Variants in STAT6 observed in about 807,000 individuals in gnomAD.
The protein encoded by STAT6 is signal transducer and activator of transcription 6, also known as STAT, interleukin4-induced.
Under a neutral mutation model 106.3 loss-of-function variants are expected in STAT6, and 45 were observed. The observed-to-expected ratio is 0.42, with a 90% CI of 0.33 to 0.54. STAT6 has a LOEUF of 0.54. Among genes scored for constraint, STAT6 ranks in the 20% least tolerant of loss-of-function variants. STAT6 has a pLI of 0.06. For missense variants in STAT6, 797 were observed against 1,062.2 expected, an observed-to-expected ratio of 0.75 and a Z score of 3.47; for synonymous variants, 413 against 413.6, an observed-to-expected ratio of 1.00 and a Z score of 0.02.
At chr12:57,110,434 G>A (rs1299068118) in intron 1 of STAT6, 1 of 152,214 alleles carries the variant, frequency 6.6e-6, no homozygotes, top group Non-Finnish European at 1.5e-5. Flanking sequence ...CCGCCCGCTT[G>A]GTGGCCTAAA....
rs553439182 is a variant in STAT6, at chr12:57,100,471, C to A, written c.1513-381G>T. 2.0e-5 allele frequency among the ~76,000 whole-genome samples: 3 copies of A among 152,170 alleles called. No individual in the cohort carries two copies. In the East Asian group the frequency reaches 5.8e-4, roughly 29 times the overall value. On this transcript the variant is annotated intron_variant, in intron 13 of 21. Transcript: ENST00000300134. ...CCCCTCTTAACTACTATGCTACACC[C>A]TCTCCCTAAGGAGGTGTGGCAGAGG...
At chr12:57,100,686 AAGAAAGAAAGAAAG>A (rs1206212545) in intron 13 of STAT6, among the ~76,000 whole-genome samples, 22 of 56,056 alleles carry the variant, frequency 3.9e-4, no homozygotes, top group African/African-American at 1.1e-3. Context: ...GAAAGAAAGA[AAGAAAGAAAGAAAG>A]AGAAAGAAAG....
chr12:57,108,702 T>G (rs1383055663), intron 1 of STAT6, among the ~76,000 whole-genome samples: 1 of 152,240 alleles, frequency 6.6e-6, no homozygotes, highest in Non-Finnish European at 1.5e-5. Flanking sequence ...TTTCCAAACT[T>G]TTTAAAGCGG....
chr12:57,105,267 G>T lies in STAT6; in HGVS notation c.885C>A (p.Phe295Leu). The stretch of plus-strand genomic sequence containing the variant: ...CCCCCAGGAACCTCAAGCCCAACAG[G>T]AATCGAACTCCAGCCTGGAACTTGG... ...TQTKFQAGVRFLLGLRFLGAP... is the reference protein window; with the variant it reads ...TQTKFQAGVRLLLGLRFLGAP... The change falls in exon 9 of 22, where the codon TTC becomes TTA. Residue 295 changes from phenylalanine (F) to leucine (L), a missense_variant. Transcript: ENST00000300134. 1 of 1,614,128 alleles carries T rather than the reference G, an allele frequency of 6.2e-7. No homozygotes were observed. The highest frequency in any genetic ancestry group is 8.5e-7 in the Non-Finnish European group (1 of 1,180,018).
intron 3 of STAT6, 66 bp from the exon 4 acceptor site, chr12:57,107,380 C>T: frequency 1.3e-6 from 2 of 1,487,582 alleles, no homozygotes; most frequent in Non-Finnish European, 1.9e-6. Flanking sequence ...CCCTCCAATC[C>T]CCAGGCCTGC....
chr12:57,102,504 G>GA lies in STAT6; in HGVS notation c.1306-9dup. The GA allele has an allele frequency of 6.2e-7, 1 of 1,612,706 alleles. No homozygotes were observed. The highest frequency in any genetic ancestry group is 8.5e-7 in the Non-Finnish European group (1 of 1,179,834). On this transcript the variant is annotated splice_polypyrimidine_tract_variant and intron_variant, in intron 12 of 21. Coordinates refer to ENST00000300134, the MANE Select transcript of STAT6 (RefSeq NM_003153.5). Reference sequence around the variant, plus strand: ...CACAAAGGGCACGCGGTCCTGGGGAGAAGGGGGAAGAAGAGAGCACTGCAG... The same window carrying GA: ...CACAAAGGGCACGCGGTCCTGGGGAGAAAGGGGGAAGAAGAGAGCACTGCAG...
In STAT6 at chr12:57,100,132, G is replaced by C. The variant is rs777667911; in HGVS notation, c.1513-42C>G. The stretch of plus-strand genomic sequence containing the variant: ...AAAGGTGTGAGCCGAGGGAGGGCCA[G>C]AGCTGGAGCCTGTTTAGGGCAGGCA... On this transcript the variant is annotated intron_variant, in intron 13 of 21. Coordinates refer to ENST00000300134, the MANE Select transcript of STAT6 (RefSeq NM_003153.5). 6 of 1,536,086 alleles carry C rather than the reference G, an allele frequency of 3.9e-6. No individual in the cohort carries two copies. The African/African-American group carries it at 4.1e-5, about 11-fold the overall frequency.
chr12:57,105,826 T>G (rs2034239491), intron 7 of STAT6: 1 of 773,442 alleles, frequency 1.3e-6, no homozygotes. Context: ...GAAACCCAGC[T>G]GCCTCTCCCC....
intron 1 of STAT6, among the ~76,000 whole-genome samples, chr12:57,108,615 C>T (rs564153070): frequency 2.6e-5 from 4 of 152,218 alleles, no homozygotes; most frequent in Non-Finnish European, 5.9e-5. Context: ...GGCTCTGGTT[C>T]TGTGGGCAAA....
intron 13 of STAT6, among the ~76,000 whole-genome samples, chr12:57,101,812 G>T (rs562322484): frequency 1.3e-5 from 2 of 151,222 alleles, no homozygotes; most frequent in African/African-American, 2.4e-5. Context: ...TTACAGGCAT[G>T]TGCCACCGCA....
At chr12:57,102,186 G>A in intron 13 of STAT6, 104 bp downstream of exon 13, 1 of 1,285,446 alleles carries the variant, frequency 7.8e-7, no homozygotes, top group Non-Finnish European at 1.1e-6. Context: ...AGGGGGCACT[G>A]TGGAGAATCC....
At chr12:57,097,638 T>G (rs933145806) in intron 19 of STAT6, among the ~76,000 whole-genome samples, 1 of 152,168 alleles carries the variant, frequency 6.6e-6, no homozygotes, top group Non-Finnish European at 1.5e-5. Flanking sequence ...AAGATTATAA[T>G]CAAGGCCAGG....
rs1592574193 is a variant in STAT6 at position 57,107,708 on chromosome 12, T to C, written c.152A>G (p.Asn51Ser). Reference sequence around the variant, plus strand: ...GTCTGAAAGTAGGGCACTAGCCAAGTTGCAGCAGAAGGCGTCGGAGCCGAC... The same window carrying C: ...GTCTGAAAGTAGGGCACTAGCCAAGCTGCAGCAGAAGGCGTCGGAGCCGAC... The part of the protein sequence containing the change: ...FLVGSDAFCC[N>S]LASALLSDTV... The change falls in exon 3 of 22, where the codon AAC (asparagine) becomes AGC (serine). Residue 51 changes from asparagine (N) to serine (S), a missense_variant. Physicochemically the swap from Asn to Ser is conservative, Grantham distance 46 (BLOSUM62 1). Coordinates refer to ENST00000300134, the MANE Select transcript of STAT6 (RefSeq NM_003153.5). 6.2e-7 allele frequency: 1 copy of C among 1,613,932 alleles called. No individual in the cohort carries two copies. Among genetic ancestry groups the C allele is most frequent in the Non-Finnish European group, 8.5e-7 (1 of 1,179,992 alleles).
At chr12:57,097,012 G>C (rs754956782) in intron 20 of STAT6, 34 bp from the exon 21 acceptor site, 1 of 1,606,080 alleles carries the variant, frequency 6.2e-7, no homozygotes, top group Non-Finnish European at 8.5e-7. Context: ...TAAGGAGAGC[G>C]GGGCAAGGCC....
At chr12:57,100,154 G>T in intron 13 of STAT6, 64 bp from the exon 14 acceptor site, 2 of 1,422,474 alleles carry the variant, frequency 1.4e-6, no homozygotes, top group Non-Finnish European at 1.9e-6. Flanking sequence ...GTTTAGGGCA[G>T]GCAGTGAGCT....
Position 57,100,311 on chromosome 12 carries a change from G to A in STAT6, c.1513-221C>T, listed in dbSNP as rs3024969. ...ATTTATTTGCTCTTTACCAGGCTATGGAAGTAGGGATTATAATAATTCCAT... is the reference window on the plus strand; with the variant it reads ...ATTTATTTGCTCTTTACCAGGCTATAGAAGTAGGGATTATAATAATTCCAT... On this transcript the variant is annotated intron_variant, in intron 13 of 21. Coordinates refer to ENST00000300134, the MANE Select transcript of STAT6 (RefSeq NM_003153.5). Among the ~76,000 whole-genome samples, 673 of 152,312 alleles carry A rather than the reference G, an allele frequency of 4.4e-3. 5 individuals carry two copies. Among genetic ancestry groups the A allele is most frequent in the African/African-American group, 0.015 (635 of 41,550 alleles).
Position 57,106,753 on chromosome 12 carries a change from G to A in STAT6, c.418C>T (p.Arg140Ter). 1 of 1,614,086 alleles carries A rather than the reference G, an allele frequency of 6.2e-7. No homozygotes were observed. The highest frequency in any genetic ancestry group is 8.5e-7 in the Non-Finnish European group (1 of 1,180,036). ...CGGAGAAGGTGGATCTCCCCTACTCGGTGCTGCAGCCTCCGCAAGCCTGTC... is the reference window on the plus strand; with the variant it reads ...CGGAGAAGGTGGATCTCCCCTACTCAGTGCTGCAGCCTCCGCAAGCCTGTC... ...FKTGLRRLQH[R>*]VGEIHLLREA... Residue 140 changes from arginine to a stop codon, truncating the protein, a stop_gained, in exon 5 of 22, where the codon CGA becomes TGA. Coordinates refer to ENST00000300134, the MANE Select transcript of STAT6 (RefSeq NM_003153.5). LOFTEE classifies it high-confidence loss of function.
chr12:57,097,227 G>A, intron 19 of STAT6, 94 bp from the exon 20 acceptor site: 9 of 1,050,260 alleles, frequency 8.6e-6, no homozygotes, highest in Non-Finnish European at 1.2e-5. Flanking sequence ...ACAAGCTCCA[G>A]CTCCTTATCC....
chr12:57,110,740 C>A (rs935949515), intron 1 of STAT6, among the ~76,000 whole-genome samples: 3 of 152,264 alleles, frequency 2.0e-5, no homozygotes, highest in Middle Eastern at 3.4e-3. Flanking sequence ...GAACAGGAAC[C>A]TTTAGTGGAG....
Sources: gnomAD v4.1 joint callset for allele counts (sites outside exome capture counted in the v4.1 genomes callset) on GRCh38, gnomAD v4.1.1 for gene constraint, MANE v1.5 for transcripts, NCBI Gene and HGNC (gene_info 2026-07-23, HGNC 2026-07-21) for gene names.